Variants in DENND4B observed in about 807,000 individuals in gnomAD.
DENND4B encodes the protein DENN domain-containing protein 4B.
A neutral mutation model predicts 161.0 loss-of-function variants in DENND4B; 67 were observed. The observed-to-expected ratio is 0.42, with a 90% CI of 0.34 to 0.51. The LOEUF (loss-of-function observed/expected upper bound fraction) is 0.51. DENND4B is among the 20% of genes least tolerant of loss of function. The pLI is 0.08. For missense variants in DENND4B, 1,481 were observed against 1,968.0 expected, an observed-to-expected ratio of 0.75 and a Z score of 4.68; for synonymous variants, 753 against 813.8, an observed-to-expected ratio of 0.93 and a Z score of 1.27.
At position 153,933,450 on chromosome 1, in the gene DENND4B, G is replaced by A; in HGVS notation, c.3330+33C>T. On this transcript the variant is annotated intron_variant, in intron 20 of 27. Transcript: ENST00000361217. This position sits in a 1 kb window ranked among gnomAD's most constrained non-coding sequence, Gnocchi z 5.7. ...GTAGCCCCTCCCCAAGCCCACTAAT[G>A]CTAAGGCATCTGGACCCTCCTTCAC... is the stretch of plus-strand genomic sequence containing the variant. 6.3e-7 allele frequency: 1 copy of A among 1,585,352 alleles called. No homozygotes were observed. The highest frequency in any genetic ancestry group is 8.6e-7 in the Non-Finnish European group (1 of 1,165,994).
Position 153,944,489 on chromosome 1 carries a change from T to C in DENND4B, c.-23-92A>G. 7.6e-7 allele frequency: 1 copy of C among 1,317,212 alleles called. No homozygotes were observed. The highest frequency in any genetic ancestry group is 1.5e-5 in the African/African-American group (1 of 66,850). 81.6% of individuals were successfully genotyped at this position (1,317,212 alleles called of 1,614,324 possible). A position where few individuals can be genotyped will look rare whatever the true frequency, so the allele number is the denominator to read the frequency against. On this transcript the variant is annotated intron_variant, in intron 1 of 27. Coordinates refer to ENST00000361217, the MANE Select transcript of DENND4B (RefSeq NM_014856.3). This position sits in a 1 kb window ranked among gnomAD's most constrained non-coding sequence, Gnocchi z 4.8. ...CCTCTTGCTCCCCTCCTCTTCCTAG[T>C]CCTTCCAAAGAAAGGCAGGATAAGG...
chr1:153,936,606 G>A lies in DENND4B; in HGVS notation c.2375C>T (p.Ala792Val). Residue 792 changes from alanine (A) to valine (V), a missense_variant, in exon 16 of 28, where the codon GCA becomes GTA. Ala to Val is a moderately conservative substitution (Grantham distance 64). Coordinates refer to ENST00000361217, the MANE Select transcript of DENND4B (RefSeq NM_014856.3). This position sits in a 1 kb window ranked among gnomAD's most constrained non-coding sequence, Gnocchi z 4.1. ...YVRSAPSRVQ[A>V]LHTAYHVLRQ... The stretch of plus-strand genomic sequence containing the variant: ...CAGCACATGGTAGGCTGTGTGCAGT[G>A]CCTGCACTCGGGAGGGTGCCGACCG... The A allele has an allele frequency of 6.2e-7, 1 of 1,612,462 alleles. No homozygotes were observed. The highest frequency in any genetic ancestry group is 1.7e-5 in the Admixed American group (1 of 59,832).
chr1:153,940,420 C>T lies in DENND4B; in HGVS notation c.1502+11G>A. The T allele has an allele frequency of 6.2e-7, 1 of 1,610,366 alleles. No homozygotes were observed. The highest frequency in any genetic ancestry group is 8.5e-7 in the Non-Finnish European group (1 of 1,178,222). ...CACCCTGCAGCCCCCAAATGAGACC[C>T]AGCCTCTTACTGGAAGAGCGTGTTG... On this transcript the variant is annotated intron_variant, in intron 10 of 27. Coordinates refer to ENST00000361217, the MANE Select transcript of DENND4B (RefSeq NM_014856.3). This position sits in a 1 kb window ranked among gnomAD's most constrained non-coding sequence, Gnocchi z 5.6.
chr1:153,937,762 A>G lies in DENND4B; in HGVS notation c.2067T>C (p.Pro689=). The G allele has an allele frequency of 1.2e-6, 2 of 1,614,016 alleles. No individual in the cohort carries two copies. The highest frequency in any genetic ancestry group is 1.7e-6 in the Non-Finnish European group (2 of 1,179,890). The change falls in exon 14 of 28, where the codon CCT becomes CCC. Residue 689 remains proline (P), a synonymous_variant. Transcript: ENST00000361217. This position sits in a 1 kb window ranked among gnomAD's most constrained non-coding sequence, Gnocchi z 4.7. ...TGGATTCACTGCCCTCTGGTAAGGC[A>G]GGCTCCTCGGGAGGTGTGATAAAGA... is the stretch of plus-strand genomic sequence containing the variant. The part of the protein sequence containing the change: ...LTVFITPPEE[P]ALPEGSESTP...
At chr1:153,935,926 T>C in intron 17 of DENND4B, 134 bp downstream of exon 17, 2 of 1,141,456 alleles carry the variant, frequency 1.8e-6, no homozygotes, top group Non-Finnish European at 2.5e-6. Flanking sequence ...AGGAGTGCAA[T>C]GTGGATGACA....
In DENND4B at chr1:153,933,280, A is replaced by C. The variant is rs1452283462; in HGVS notation, c.3370T>G (p.Ser1124Ala). ...CGAAGACTCAGGTTGCTGAGAGAAG[A>C]TTCTGAGAGGTCCCACTCACTGCCC... is the stretch of plus-strand genomic sequence containing the variant. ...SLGSEWDLSE[S>A]SLSNLSLRRS... is the part of the protein sequence containing the mutation. The change falls in exon 21 of 28, where the codon TCT (serine) becomes GCT (alanine). Residue 1124 changes from serine (S) to alanine (A), a missense_variant. Around this residue, in one of 3 missense-constraint regions of DENND4B, gnomAD observed 336 missense variants for 503.3 expected, o/e 0.67. Coordinates refer to ENST00000361217, the MANE Select transcript of DENND4B (RefSeq NM_014856.3). This position sits in a 1 kb window ranked among gnomAD's most constrained non-coding sequence, Gnocchi z 5.7. 1 of 1,613,224 alleles carries C rather than the reference A, an allele frequency of 6.2e-7. No individual in the cohort carries two copies. Among genetic ancestry groups the C allele is most frequent in the South Asian group, 1.1e-5 (1 of 90,874 alleles).
At chr1:153,945,455 G>A (rs967210608) in intron 1 of DENND4B, among the ~76,000 whole-genome samples, 21 of 152,176 alleles carry the variant, frequency 1.4e-4, no homozygotes, top group African/African-American at 4.8e-4. Flanking sequence ...AATGGTTCCA[G>A]GATGTGCAGT....
rs769513002 is a variant in DENND4B at position 153,934,796 on chromosome 1, C to T, written c.2737G>A (p.Val913Met). 2.5e-6 allele frequency: 4 copies of T among 1,598,918 alleles called. No homozygotes were observed. The highest frequency in any genetic ancestry group is 2.7e-5 in the African/African-American group (2 of 73,076). ...CTGCCTGCCTCTTGATGTGCTGACA[C>T]CTGCTCCTGCTGCTGCTGCTGCTGC... ...QQQQQQQQEQ[V>M]SAHQEAGSSQ... Residue 913 changes from valine (V) to methionine (M), a missense_variant, in exon 18 of 28, where the codon GTG (valine) becomes ATG (methionine). By Grantham distance (21) the Val-to-Met change is conservative. Transcript: ENST00000361217. This position sits in a 1 kb window ranked among gnomAD's most constrained non-coding sequence, Gnocchi z 5.3.
chr1:153,932,256 C>T lies in DENND4B; in HGVS notation c.3944G>A (p.Ser1315Asn), dbSNP rs774912358. 3.7e-6 allele frequency: 6 copies of T among 1,613,974 alleles called. No homozygotes were observed. The Admixed American group carries it at 8.3e-5, about 22-fold the overall frequency. The stretch of plus-strand genomic sequence containing the variant: ...GGCCAGCACCAGGCCTGGTAGAATA[C>T]TGGGCAGGCGTAGCCGTTGGAAATA... ...LWYFQRLRLP[S>N]ILPGLVLASC... Residue 1315 changes from serine (S) to asparagine (N), a missense_variant, in exon 24 of 28, where the codon AGT becomes AAT. Ser to Asn is a conservative substitution (Grantham distance 46). This residue lies in a region of DENND4B where 336 missense variants were observed against 503.3 expected (regional missense o/e 0.67). Transcript: ENST00000361217. The surrounding 1 kb of genome is among the most constrained non-coding windows in gnomAD (Gnocchi z 5.8).
Position 153,940,858 on chromosome 1 carries a change from A to G in DENND4B, c.1326+46T>C. 2 of 1,530,670 alleles carry G rather than the reference A, an allele frequency of 1.3e-6. No individual in the cohort carries two copies. The highest frequency in any genetic ancestry group is 1.3e-5 in the South Asian group (1 of 78,466). The allele number at this position is 1,530,670 out of a possible 1,614,324, so 94.8% of individuals were successfully genotyped here. A position where few individuals can be genotyped will look rare whatever the true frequency, so the allele number is the denominator to read the frequency against. ...CCAGGCAGGGATAGGGGCACCAGAA[A>G]GAACCATGGTTCTGGGGAAGATGGG... On this transcript the variant is annotated intron_variant, in intron 9 of 27. Transcript: ENST00000361217. The surrounding 1 kb of genome is among the most constrained non-coding windows in gnomAD (Gnocchi z 5.6).
Position 153,934,701 on chromosome 1 carries a change from T to C in DENND4B, c.2773+59A>G. 1 of 1,555,994 alleles carries C rather than the reference T, an allele frequency of 6.4e-7. No individual in the cohort carries two copies. Among genetic ancestry groups the C allele is most frequent in the Non-Finnish European group, 8.7e-7 (1 of 1,152,672 alleles). On this transcript the variant is annotated intron_variant, in intron 18 of 27. Coordinates refer to ENST00000361217, the MANE Select transcript of DENND4B (RefSeq NM_014856.3). The surrounding 1 kb of genome is among the most constrained non-coding windows in gnomAD (Gnocchi z 5.3). Reference sequence around the variant, plus strand: ...TAGACCAGCCCCAACTCTCTATGCCTTTCCCTGCCTGAGCCCAGCTACTCC... The same window carrying C: ...TAGACCAGCCCCAACTCTCTATGCCCTTCCCTGCCTGAGCCCAGCTACTCC...
Position 153,941,351 on chromosome 1 carries a change from C to G in DENND4B, c.1122+23G>C, listed in dbSNP as rs556984033. Reference sequence around the variant, plus strand: ...TGCCAACTCCCCTCCTTCCATCAGCCCGGCCCCAGCCTCAGCTCTCACCTG... The same window carrying G: ...TGCCAACTCCCCTCCTTCCATCAGCGCGGCCCCAGCCTCAGCTCTCACCTG... On this transcript the variant is annotated intron_variant, in intron 7 of 27. Transcript: ENST00000361217. 7 of 1,613,556 alleles carry G rather than the reference C, an allele frequency of 4.3e-6. No homozygotes were observed. In the Admixed American group the frequency reaches 1.2e-4, roughly 27 times the overall value.
chr1:153,945,298 G>T, intron 1 of DENND4B: 1 of 594,948 alleles, frequency 1.7e-6, no homozygotes, highest in South Asian at 1.7e-5. Context: ...AACAGTGGAG[G>T]GGAAGCTGCA....
At position 153,940,190 on chromosome 1, in the gene DENND4B, G is replaced by A. The variant is rs759992689; in HGVS notation, c.1569C>T (p.Ala523=). 1 of 1,595,466 alleles carries A rather than the reference G, an allele frequency of 6.3e-7. No individual in the cohort carries two copies. Among genetic ancestry groups the A allele is most frequent in the Non-Finnish European group, 8.5e-7 (1 of 1,172,186 alleles). The change falls in exon 11 of 28, where the codon GCC becomes GCT. Residue 523 remains alanine, a synonymous_variant. Coordinates refer to ENST00000361217, the MANE Select transcript of DENND4B (RefSeq NM_014856.3). This position sits in a 1 kb window ranked among gnomAD's most constrained non-coding sequence, Gnocchi z 5.6. ...GCTGCTGGTACAGGTTTGTCAGTGTGGCCAGCAGAACCTTGTAGGGTCTGC... is the reference window on the plus strand; with the variant it reads ...GCTGCTGGTACAGGTTTGTCAGTGTAGCCAGCAGAACCTTGTAGGGTCTGC... ...LPRRPYKVLL[A]TLTNLYQQLD...
Position 153,943,147 on chromosome 1 carries a change from A to G in DENND4B, c.318-17T>C. On this transcript the variant is annotated splice_polypyrimidine_tract_variant and intron_variant, in intron 2 of 27. Transcript: ENST00000361217. Reference sequence around the variant, plus strand: ...TACAACACCCTTGGCACAGAGAGCAAAGATAGATGTTGAGAGGTCAGGGTA... The same window carrying G: ...TACAACACCCTTGGCACAGAGAGCAGAGATAGATGTTGAGAGGTCAGGGTA... The G allele has an allele frequency of 1.9e-6, 3 of 1,603,884 alleles. No homozygotes were observed. Among genetic ancestry groups the G allele is most frequent in the Non-Finnish European group, 2.6e-6 (3 of 1,172,646 alleles).
rs934669279 is a variant in DENND4B, at chr1:153,932,651, C to A, written c.3750G>T (p.Gly1250=). The change falls in exon 23 of 28, where the codon GGG becomes GGT. Residue 1250 remains glycine (G), a synonymous_variant. Coordinates refer to ENST00000361217, the MANE Select transcript of DENND4B (RefSeq NM_014856.3). The surrounding 1 kb of genome is among the most constrained non-coding windows in gnomAD (Gnocchi z 5.8). ...TTGGCCCAGCCCTTACCCCCATGTG[C>A]CCGTTGCAGAGCTGGGGCTCATCCA... ...LALDEPQLCN[G]HMGGASRRVE... 3.1e-6 allele frequency: 5 copies of A among 1,612,690 alleles called. No individual in the cohort carries two copies. The highest frequency in any genetic ancestry group is 1.7e-5 in the Admixed American group (1 of 59,952).
At position 153,942,563 on chromosome 1, in the gene DENND4B, G is replaced by A. The variant is rs774325411; in HGVS notation, c.633C>T (p.Tyr211=). ...VGLAKANTLV[Y]EAELLGRYPE... ...GATAAAGGGGCCACTCACCTGCCTC[G>A]TACACCAGCGTGTTGGCCTTCGCCA... Residue 211 remains tyrosine (Y), a synonymous_variant, in exon 4 of 28, where the codon TAC becomes TAT. Transcript: ENST00000361217. This position sits in a 1 kb window ranked among gnomAD's most constrained non-coding sequence, Gnocchi z 6.9. 34 of 1,596,122 alleles carry A rather than the reference G, an allele frequency of 2.1e-5. No individual in the cohort carries two copies. The highest frequency in any genetic ancestry group is 2.7e-5 in the Non-Finnish European group (32 of 1,171,176).
Position 153,942,306 on chromosome 1 carries a change from C to T in DENND4B, c.691G>A (p.Glu231Lys), listed in dbSNP as rs772352820. The T allele has an allele frequency of 2.1e-5, 34 of 1,613,600 alleles. No homozygotes were observed. Among genetic ancestry groups the T allele is most frequent in the Middle Eastern group, 1.6e-4 (1 of 6,082 alleles). ...GGCAGGCAGAAGACGGGCACTGACT[C>T]GGGCAGCGGGAACGCCTCATTGTCC... The part of the protein sequence containing the change: ...EEDNEAFPLP[E>K]SVPVFCLPMG... The change falls in exon 5 of 28, where the codon GAG (glutamate) becomes AAG (lysine). Residue 231 changes from glutamate (E) to lysine (K), a missense_variant. Physicochemically the swap from Glu to Lys is moderately conservative, Grantham distance 56 (BLOSUM62 1). Around this residue, in one of 3 missense-constraint regions of DENND4B, gnomAD observed 806 missense variants for 1,134.4 expected, o/e 0.71. Coordinates refer to ENST00000361217, the MANE Select transcript of DENND4B (RefSeq NM_014856.3). This position sits in a 1 kb window ranked among gnomAD's most constrained non-coding sequence, Gnocchi z 6.9.
In DENND4B at chr1:153,942,718, T is replaced by C; in HGVS notation, c.571-93A>G. The C allele has an allele frequency of 6.8e-7, 1 of 1,477,808 alleles. No individual in the cohort carries two copies. The highest frequency in any genetic ancestry group is 1.4e-5 in the South Asian group (1 of 71,406). The allele number at this position is 1,477,808 out of a possible 1,614,324, so 91.5% of individuals were successfully genotyped here. On this transcript the variant is annotated intron_variant, in intron 3 of 27. Transcript: ENST00000361217. The surrounding 1 kb of genome is among the most constrained non-coding windows in gnomAD (Gnocchi z 6.9). ...TCTACCACCCCTAAATGTTCTTTTG[T>C]CTTTAAAGCTCCCATTAATCCCAGT...
Sources: allele counts gnomAD v4.1 joint callset (sites outside exome capture counted in the v4.1 genomes callset), GRCh38; gene constraint gnomAD v4.1.1; regional missense constraint gnomAD v4.1.1; non-coding constraint Gnocchi (gnomAD v3.1); transcripts MANE v1.5; gene names NCBI Gene and HGNC (gene_info 2026-07-23, HGNC 2026-07-21).